Variants in ZFPM2 observed in about 807,000 individuals in gnomAD.
ZFPM2 encodes the protein zinc finger protein, FOG family member 2.
In ZFPM2, 20 loss-of-function variants were observed where a neutral mutation model predicts 98.6. The ratio of observed to expected loss-of-function variants is 0.20; its 90% CI spans 0.14 to 0.29. ZFPM2 has a LOEUF of 0.29. Among genes scored for constraint, ZFPM2 ranks in the 10% least tolerant of loss-of-function variants. The probability of loss-of-function intolerance (pLI) is 1.00; values close to 1 mark genes in which losing one functional copy is unlikely to be tolerated. For missense variants in ZFPM2, 1,310 were observed against 1,388.6 expected, an observed-to-expected ratio of 0.94 and a Z score of 0.90; for synonymous variants, 518 against 502.7, an observed-to-expected ratio of 1.03 and a Z score of -0.41.
intron 3 of ZFPM2, among the ~76,000 whole-genome samples, chr8:105,527,269 A>G (rs1814194560): frequency 1.3e-5 from 2 of 152,172 alleles, no homozygotes; most frequent in African/African-American, 2.4e-5. Flanking sequence ...TGTTTTCCTT[A>G]AAACTCTAAA....
intron 3 of ZFPM2, among the ~76,000 whole-genome samples, chr8:105,542,448 C>G (rs779745261): frequency 6.6e-6 from 1 of 152,102 alleles, no homozygotes; most frequent in Non-Finnish European, 1.5e-5. Flanking sequence ...AATCCATATT[C>G]TTAAATATTT....
At chr8:105,319,018 A>G in intron 1 of ZFPM2, 37 bp downstream of exon 1, 1 of 1,483,040 alleles carries the variant, frequency 6.7e-7, no homozygotes, top group Non-Finnish European at 9.0e-7. Context: ...TGGTGGGATT[A>G]TTGCCCAGGA....
At chr8:105,589,066 A>C (rs1815788181) in intron 4 of ZFPM2, among the ~76,000 whole-genome samples, 1 of 152,224 alleles carries the variant, frequency 6.6e-6, no homozygotes, top group African/African-American at 2.4e-5. Context: ...GTCAACTGAA[A>C]AGGTGAAAGC....
At chr8:105,491,326 C>A (rs998246682) in intron 3 of ZFPM2, among the ~76,000 whole-genome samples, 2 of 151,992 alleles carry the variant, frequency 1.3e-5, no homozygotes, top group Admixed American at 6.6e-5. Flanking sequence ...AAATGTTAAT[C>A]AAAAAACTGC....
chr8:105,753,717 TC>T (rs1812526613), intron 5 of ZFPM2, among the ~76,000 whole-genome samples: 1 of 152,192 alleles, frequency 6.6e-6, no homozygotes, highest in Non-Finnish European at 1.5e-5. Context: ...AACTATATAG[TC>T]ATTGCAATAT....
chr8:105,464,545 A>C (rs565300990), intron 3 of ZFPM2, among the ~76,000 whole-genome samples: 68 of 152,196 alleles, frequency 4.5e-4, no homozygotes, highest in Non-Finnish European at 8.4e-4. Flanking sequence ...AGGATGTGGG[A>C]GAATGCAGGC....
chr8:105,669,067 T>G (rs1046827473), intron 5 of ZFPM2, among the ~76,000 whole-genome samples: 5 of 152,128 alleles, frequency 3.3e-5, no homozygotes, highest in Non-Finnish European at 1.5e-5. Context: ...TGCTATAGGA[T>G]AGAGTAAAAA....
chr8:105,506,971 G>A (rs550495499), intron 3 of ZFPM2, among the ~76,000 whole-genome samples: 7 of 135,654 alleles, frequency 5.2e-5, no homozygotes, highest in African/African-American at 2.0e-4. Flanking sequence ...CTGGGCCACA[G>A]AGCCAGACTC....
intron 3 of ZFPM2, among the ~76,000 whole-genome samples, chr8:105,515,245 T>C (rs1384518704): frequency 6.6e-6 from 1 of 152,258 alleles, no homozygotes; most frequent in Non-Finnish European, 1.5e-5. Context: ...AATTCAGATT[T>C]TTCTCATGCA....
At chr8:105,463,587 A>G (rs1812742517) in intron 3 of ZFPM2, among the ~76,000 whole-genome samples, 1 of 152,080 alleles carries the variant, frequency 6.6e-6, no homozygotes, top group Non-Finnish European at 1.5e-5. Flanking sequence ...ATCTCTAAAC[A>G]AACAAACTAG....
chr8:105,387,083 C>G (rs1811007553), intron 1 of ZFPM2: 1 of 152,460 alleles, frequency 6.6e-6, no homozygotes, highest in Admixed American at 6.5e-5. Flanking sequence ...AGTACCCCGC[C>G]AGAGTAGCTA....
chr8:105,405,507 C>A (rs536731129), intron 1 of ZFPM2, among the ~76,000 whole-genome samples: 1 of 148,908 alleles, frequency 6.7e-6, no homozygotes, highest in East Asian at 2.1e-4. Flanking sequence ...TCAATTCCCA[C>A]CTGTGAGTGA....
chr8:105,636,856 G>C (rs1368948159), intron 5 of ZFPM2, among the ~76,000 whole-genome samples: 1 of 152,186 alleles, frequency 6.6e-6, no homozygotes, highest in African/African-American at 2.4e-5. Flanking sequence ...TCAAATGCCA[G>C]AACTGTAATA....
intron 2 of ZFPM2, among the ~76,000 whole-genome samples, chr8:105,423,342 T>A (rs1383491104): frequency 6.6e-6 from 1 of 152,208 alleles, no homozygotes; most frequent in East Asian, 1.9e-4. Flanking sequence ...ACATTTCATG[T>A]TCCTATTTTT....
chr8:105,696,850 C>A (rs1811029841), intron 5 of ZFPM2, among the ~76,000 whole-genome samples: 3 of 152,092 alleles, frequency 2.0e-5, no homozygotes, highest in African/African-American at 2.4e-5. Context: ...TGTTATTCTA[C>A]TTAGTGATCT....
chr8:105,493,822 ATCC>A (rs1469193314), intron 3 of ZFPM2, among the ~76,000 whole-genome samples: 1 of 152,018 alleles, frequency 6.6e-6, no homozygotes, highest in Non-Finnish European at 1.5e-5. Flanking sequence ...TATAAAAAGT[ATCC>A]TCCTATTTTT....
At chr8:105,716,693 A>G (rs1304561979) in intron 5 of ZFPM2, among the ~76,000 whole-genome samples, 1 of 151,970 alleles carries the variant, frequency 6.6e-6, no homozygotes, top group East Asian at 1.9e-4. Context: ...AGACACCAAA[A>G]GGAAAGCCAT....
chr8:105,429,712 A>T (rs1811983069), intron 2 of ZFPM2, among the ~76,000 whole-genome samples: 2 of 151,806 alleles, frequency 1.3e-5, no homozygotes, highest in Non-Finnish European at 2.9e-5. Flanking sequence ...AAAAAAAAAA[A>T]AAAATGGACA....
chr8:105,739,158 C>T (rs1276828474), intron 5 of ZFPM2, among the ~76,000 whole-genome samples: 1 of 152,026 alleles, frequency 6.6e-6, no homozygotes, highest in Non-Finnish European at 1.5e-5. Context: ...CTTCTGTAAA[C>T]AACTGCATGT....
Sources: gnomAD v4.1 joint callset for allele counts (sites outside exome capture counted in the v4.1 genomes callset) on GRCh38, gnomAD v4.1.1 for gene constraint, MANE v1.5 for transcripts, NCBI Gene and HGNC (gene_info 2026-07-23, HGNC 2026-07-21) for gene names.